N4BP2L2: variants seen among roughly 807,000 people sequenced by gnomAD.
N4BP2L2 encodes NEDD4-binding protein 2-like 2.
N4BP2L2 carries 50 observed loss-of-function variants against 56.2 expected under a neutral mutation model. The ratio of observed to expected loss-of-function variants is 0.89; its 90% CI spans 0.71 to 1.13. N4BP2L2 has a LOEUF of 1.13. N4BP2L2 is among the 50% of genes most tolerant of loss of function. The pLI is 0.00. For synonymous variants in N4BP2L2, 203 were observed against 223.6 expected, an observed-to-expected ratio of 0.91 and a Z score of 0.82; for missense variants, 689 against 693.8, an observed-to-expected ratio of 0.99 and a Z score of 0.08.
intron 6 of N4BP2L2, among the ~76,000 whole-genome samples, chr13:32,498,561 C>T (rs777977567): frequency 4.0e-5 from 6 of 151,616 alleles, no homozygotes; most frequent in Non-Finnish European, 5.9e-5. Flanking sequence ...AGGCTGGTCT[C>T]GAACTCCTGA....
At chr13:32,491,671 G>A (rs1347435974) in intron 6 of N4BP2L2, among the ~76,000 whole-genome samples, 6 of 140,778 alleles carry the variant, frequency 4.3e-5, no homozygotes, top group African/African-American at 1.3e-4. Flanking sequence ...TAACTATGTC[G>A]CCCAGGCTGG....
At chr13:32,527,153 C>A (rs1301500307) in intron 3 of N4BP2L2, 1 of 293,358 alleles carries the variant, frequency 3.4e-6, no homozygotes, top group Non-Finnish European at 6.3e-6. Context: ...TATTATTTTA[C>A]CAGCTTATAC....
In N4BP2L2 at chr13:32,442,353, G is replaced by A. The variant is rs377647420; in HGVS notation, c.2104+35C>T. ...CAGAATTACTTACATATGTTAAACT[G>A]GATCTTTTACTTTTAGCAAAAGAAA... On this transcript the variant is annotated intron_variant, in intron 7 of 9. Transcript: ENST00000357505. 38 of 1,479,922 alleles carry A rather than the reference G, an allele frequency of 2.6e-5. No homozygotes were observed. The African/African-American group carries it at 5.0e-4, about 19-fold the overall frequency. The allele number at this position is 1,479,922 out of a possible 1,614,324, so 91.7% of individuals were successfully genotyped here.
At chr13:32,459,460 C>T (rs751848970) in intron 6 of N4BP2L2, among the ~76,000 whole-genome samples, 3 of 151,594 alleles carry the variant, frequency 2.0e-5, no homozygotes, top group Non-Finnish European at 4.4e-5. Context: ...AATGATACCA[C>T]CAGAAATACA....
At chr13:32,479,713 G>C (rs2084179826) in intron 6 of N4BP2L2, among the ~76,000 whole-genome samples, 1 of 151,078 alleles carries the variant, frequency 6.6e-6, no homozygotes, top group Non-Finnish European at 1.5e-5. Context: ...CGTGAGTTAA[G>C]GACAGCTAAT....
chr13:32,505,352 T>C (rs1044215479), downstream of N4BP2L2: 17 of 152,224 alleles, frequency 1.1e-4, no homozygotes, highest in African/African-American at 3.4e-4. Flanking sequence ...AGATGGCTGA[T>C]TGGATCCACA....
chr13:32,496,655 A>G (rs2088727356), intron 6 of N4BP2L2, among the ~76,000 whole-genome samples: 1 of 152,186 alleles, frequency 6.6e-6, no homozygotes, highest in Non-Finnish European at 1.5e-5. Context: ...TCCTAATGCC[A>G]TGCCAGAACC....
intron 6 of N4BP2L2, among the ~76,000 whole-genome samples, chr13:32,475,487 T>C (rs564541936): frequency 1.3e-5 from 2 of 152,192 alleles, no homozygotes; most frequent in South Asian, 2.1e-4. Flanking sequence ...CTGATTTACA[T>C]AGGGCTCATA....
At chr13:32,477,639 C>A (rs1344467466) in intron 6 of N4BP2L2, 2 of 326,256 alleles carry the variant, frequency 6.1e-6, no homozygotes, top group South Asian at 2.6e-5. Context: ...AAAGCTACAG[C>A]AGGCTTTGCC....
chr13:32,442,285 A>C, intron 7 of N4BP2L2: 1 of 1,028,972 alleles, frequency 9.7e-7, no homozygotes, highest in South Asian at 1.8e-5. Context: ...TCACGAGATT[A>C]ATAAACTGCA....
At chr13:32,484,022 CG>C (rs963314934) in intron 6 of N4BP2L2, among the ~76,000 whole-genome samples, 3 of 150,674 alleles carry the variant, frequency 2.0e-5, no homozygotes, top group African/African-American at 7.3e-5. Context: ...AAAAACCAGT[CG>C]GGGCCAGGCC....
At chr13:32,443,822 C>T (rs776569868) in exon 7 of N4BP2L2, 34 of 1,586,302 alleles carry the variant, frequency 2.1e-5, no homozygotes, top group Non-Finnish European at 2.7e-5. Context: ...ATAGACATAA[C>T]GTTTTGGAAA....
At chr13:32,498,302 A>G (rs1256668295) in intron 6 of N4BP2L2, among the ~76,000 whole-genome samples, 1 of 152,028 alleles carries the variant, frequency 6.6e-6, no homozygotes, top group Non-Finnish European at 1.5e-5. Flanking sequence ...TGAATTTAAC[A>G]AAACATTTGG....
chr13:32,511,974 G>A (rs1411803904), exon 6 of N4BP2L2: 1 of 152,044 alleles, frequency 6.6e-6, no homozygotes, highest in Non-Finnish European at 1.5e-5. Flanking sequence ...CTTTCAGAAT[G>A]AAGAGATATT....
intron 6 of N4BP2L2, among the ~76,000 whole-genome samples, chr13:32,485,320 C>A (rs946201098): frequency 2.0e-5 from 3 of 152,104 alleles, no homozygotes; most frequent in Middle Eastern, 3.2e-3. Flanking sequence ...TTCACACACA[C>A]AAAAAAGCCC....
intron 6 of N4BP2L2, among the ~76,000 whole-genome samples, chr13:32,490,467 G>A (rs2086823003): frequency 6.6e-6 from 1 of 152,066 alleles, no homozygotes; most frequent in Non-Finnish European, 1.5e-5. Context: ...ACCATGCCCG[G>A]CTAATTTTTG....
At chr13:32,440,683 G>A (rs943212424) in intron 7 of N4BP2L2, among the ~76,000 whole-genome samples, 3 of 151,538 alleles carry the variant, frequency 2.0e-5, no homozygotes, top group East Asian at 3.9e-4. Context: ...GGCTGGTCTC[G>A]AACTCCTCAC....
At chr13:32,495,325 T>A (rs960553199) in intron 6 of N4BP2L2, among the ~76,000 whole-genome samples, 5 of 152,140 alleles carry the variant, frequency 3.3e-5, no homozygotes, top group Admixed American at 3.3e-4. Context: ...TAGTAACCCA[T>A]CAACAGGTTA....
rs1364343884 is a variant in N4BP2L2 at position 32,443,897 on chromosome 13, C to A, written c.595G>T (p.Glu199Ter). Reference sequence around the variant, plus strand: ...TATCCAGTCACAAAATCTCCGACTTCATTTTGTAGACCATCAATGAAGGGA... The same window carrying A: ...TATCCAGTCACAAAATCTCCGACTTAATTTTGTAGACCATCAATGAAGGGA... Residue 199 changes from glutamate to a stop codon, truncating the protein, a stop_gained, in exon 7 of 10, where the codon GAA becomes TAA. Coordinates refer to the N4BP2L2 transcript ENST00000357505. LOFTEE classifies it high-confidence loss of function. 2.5e-6 allele frequency: 4 copies of A among 1,570,726 alleles called. No homozygotes were observed. Among genetic ancestry groups the A allele is most frequent in the Non-Finnish European group, 3.4e-6 (4 of 1,160,184 alleles).
Sources: gnomAD v4.1 joint callset for allele counts (sites outside exome capture counted in the v4.1 genomes callset) on GRCh38, gnomAD v4.1.1 for gene constraint, MANE v1.5 for transcripts, NCBI Gene and HGNC (gene_info 2026-07-23, HGNC 2026-07-21) for gene names.